Variants in GALNT13 observed in about 807,000 individuals in gnomAD.
The protein encoded by GALNT13 is polypeptide N-acetylgalactosaminyltransferase 13, also known as UDP-GalNAc:polypeptide N-acetylgalactosaminyltransferase 13.
Under a neutral mutation model 64.2 loss-of-function variants are expected in GALNT13, and 28 were observed. The ratio of observed to expected loss-of-function variants is 0.44; its 90% CI spans 0.32 to 0.60. The LOEUF is 0.60. Among genes scored for constraint, GALNT13 ranks in the 20% least tolerant of loss-of-function variants. The probability of loss-of-function intolerance (pLI) is 0.05; values close to 1 mark genes in which losing one functional copy is unlikely to be tolerated. For missense variants in GALNT13, 577 were observed against 669.8 expected (o/e 0.86, Z 1.53); for synonymous variants, 214 against 224.6 (o/e 0.95, Z 0.42).
chr2:153,654,480 T>A, the GALNT13 span, among the ~76,000 whole-genome samples: 1 of 152,058 alleles, frequency 6.6e-6, no homozygotes, highest in Admixed American at 6.6e-5. Context: ...GTGGGTGAAG[T>A]ATTTATAGTA....
the GALNT13 span, among the ~76,000 whole-genome samples, chr2:153,819,883 T>G: frequency 6.6e-6 from 1 of 152,198 alleles, no homozygotes; most frequent in Non-Finnish European, 1.5e-5. Context: ...AAAGGATCAC[T>G]CTAGCTCTTC....
At chr2:153,742,991 G>A in the GALNT13 span, among the ~76,000 whole-genome samples, 1 of 115,968 alleles carries the variant, frequency 8.6e-6, no homozygotes, top group Admixed American at 8.7e-5. Context: ...AGAAGTGGGG[G>A]GGGAGAGAGG....
At chr2:154,312,043 T>C (rs559844439) in intron 9 of GALNT13, among the ~76,000 whole-genome samples, 32 of 152,172 alleles carry the variant, frequency 2.1e-4, no homozygotes, top group South Asian at 1.7e-3. Context: ...TATTACAGGG[T>C]CCTGAGACGA....
intron 11 of GALNT13, among the ~76,000 whole-genome samples, chr2:154,433,605 C>G (rs1700800316): frequency 1.3e-5 from 2 of 152,102 alleles, no homozygotes; most frequent in South Asian, 4.2e-4. Flanking sequence ...GCCTTTGCCT[C>G]TGCAGGCTGC....
At chr2:153,672,334 GA>G in the GALNT13 span, among the ~76,000 whole-genome samples, 1 of 152,104 alleles carries the variant, frequency 6.6e-6, no homozygotes, top group African/African-American at 2.4e-5. Flanking sequence ...TAAAAGAACA[GA>G]AATCACAACA....
the GALNT13 span, among the ~76,000 whole-genome samples, chr2:153,513,747 A>C: frequency 6.6e-6 from 1 of 152,158 alleles, no homozygotes; most frequent in Non-Finnish European, 1.5e-5. Context: ...CCAAGGAGGC[A>C]CAGGAAAGCA....
chr2:154,054,542 G>A (rs953750398), intron 3 of GALNT13, among the ~76,000 whole-genome samples: 2 of 151,882 alleles, frequency 1.3e-5, no homozygotes, highest in Admixed American at 6.6e-5. Context: ...ATAGGAAAAT[G>A]ATTATTTTCA....
chr2:153,743,961 C>T, the GALNT13 span, among the ~76,000 whole-genome samples: 1 of 152,080 alleles, frequency 6.6e-6, no homozygotes, highest in African/African-American at 2.4e-5. Flanking sequence ...CACTTAGCAT[C>T]ATGACCTCCA....
At chr2:154,261,911 A>G (rs1033484169) in intron 8 of GALNT13, among the ~76,000 whole-genome samples, 1 of 152,132 alleles carries the variant, frequency 6.6e-6, no homozygotes, top group Non-Finnish European at 1.5e-5. Flanking sequence ...GAAGATAGAA[A>G]TATTTAGGGC....
At chr2:153,419,343 A>T in the GALNT13 span, among the ~76,000 whole-genome samples, 1 of 152,178 alleles carries the variant, frequency 6.6e-6, no homozygotes, top group African/African-American at 2.4e-5. Flanking sequence ...ACACGTGGGG[A>T]TTATGGGAAC....
chr2:153,712,922 A>G, the GALNT13 span, among the ~76,000 whole-genome samples: 1 of 152,176 alleles, frequency 6.6e-6, no homozygotes, highest in African/African-American at 2.4e-5. Context: ...ACCCTGCCCC[A>G]CCGGGGAATA....
At chr2:153,198,307 G>A in the GALNT13 span, among the ~76,000 whole-genome samples, 1 of 152,196 alleles carries the variant, frequency 6.6e-6, no homozygotes, top group Non-Finnish European at 1.5e-5. Flanking sequence ...CCCAGGGCCT[G>A]TGGGAGTTGA....
At chr2:153,262,758 T>C in the GALNT13 span, among the ~76,000 whole-genome samples, 4 of 152,310 alleles carry the variant, frequency 2.6e-5, no homozygotes, top group African/African-American at 9.6e-5. Flanking sequence ...ACATCCTTTA[T>C]GTTAAAAACT....
At chr2:153,442,259 G>A in the GALNT13 span, among the ~76,000 whole-genome samples, 8 of 152,264 alleles carry the variant, frequency 5.3e-5, no homozygotes, top group Non-Finnish European at 8.8e-5. Context: ...TTATTGATTT[G>A]TGTATATTGA....
At chr2:154,020,593 G>T (rs1697384825) in intron 3 of GALNT13, among the ~76,000 whole-genome samples, 1 of 152,104 alleles carries the variant, frequency 6.6e-6, no homozygotes, top group Non-Finnish European at 1.5e-5. Context: ...GTAGATTCTG[G>T]ATATCAGCCC....
At chr2:153,877,784 A>G (rs1686487606) in intron 1 of GALNT13, among the ~76,000 whole-genome samples, 1 of 152,202 alleles carries the variant, frequency 6.6e-6, no homozygotes. Flanking sequence ...TTATTTATGA[A>G]GAAGGTAAGA....
At chr2:153,434,826 T>G in the GALNT13 span, among the ~76,000 whole-genome samples, 4 of 152,148 alleles carry the variant, frequency 2.6e-5, no homozygotes, top group African/African-American at 4.8e-5. Flanking sequence ...AGAAGCTCTT[T>G]AGTTTAATTA....
the GALNT13 span, among the ~76,000 whole-genome samples, chr2:153,528,142 A>C: frequency 6.6e-6 from 1 of 151,940 alleles, no homozygotes; most frequent in Non-Finnish European, 1.5e-5. Context: ...GGTTGACTTC[A>C]TTAAAAAAAC....
chr2:154,354,910 A>G (rs1191623765), intron 9 of GALNT13, among the ~76,000 whole-genome samples: 3 of 149,364 alleles, frequency 2.0e-5, no homozygotes, highest in East Asian at 4.1e-4. Flanking sequence ...GTTTCTATAC[A>G]TAGAATTTCC....
Sources: allele counts gnomAD v4.1 joint callset (sites outside exome capture counted in the v4.1 genomes callset), GRCh38; gene constraint gnomAD v4.1.1; transcripts MANE v1.5; gene names NCBI Gene and HGNC (gene_info 2026-07-23, HGNC 2026-07-21).